Variants in SLC7A2 observed in about 807,000 individuals in gnomAD.
The protein encoded by SLC7A2 is cationic amino acid transporter 2.
Under a neutral mutation model 58.9 loss-of-function variants are expected in SLC7A2, and 48 were observed. That is an observed-to-expected ratio of 0.82 (90% CI 0.65 to 1.04). The LOEUF (loss-of-function observed/expected upper bound fraction) is 1.04, where lower values mean the gene tolerates loss of function less well. Ranked by LOEUF, SLC7A2 falls within the 50% of genes least tolerant of loss-of-function variation. The pLI is 0.00. For missense variants in SLC7A2, 1,029 were observed against 818.8 expected, an observed-to-expected ratio of 1.26 and a Z score of -3.13; for synonymous variants, 363 against 314.5, an observed-to-expected ratio of 1.15 and a Z score of -1.63.
intron 2 of SLC7A2, among the ~76,000 whole-genome samples, chr8:17,506,697 T>G (rs903252490): frequency 6.6e-6 from 1 of 152,196 alleles, no homozygotes; most frequent in Non-Finnish European, 1.5e-5. Context: ...TATTGAAAAG[T>G]CAGACCATTC....
At chr8:17,518,232 C>G (rs1318645181) in intron 2 of SLC7A2, among the ~76,000 whole-genome samples, 1 of 141,646 alleles carries the variant, frequency 7.1e-6, no homozygotes, top group African/African-American at 2.7e-5. Flanking sequence ...TTTTTTTTTG[C>G]ACAACATCCA....
intron 4 of SLC7A2, 27 bp downstream of exon 4, chr8:17,544,633 C>A (rs768263960): frequency 6.2e-7 from 1 of 1,601,690 alleles, no homozygotes; most frequent in Non-Finnish European, 8.5e-7. Context: ...TGAGTCTCTG[C>A]AGAATGAGCC....
rs547028156 is a variant in SLC7A2 at position 17,498,804 on chromosome 8, A to C, written c.-69+1567A>C. 5.9e-5 allele frequency: 9 copies of C among 152,320 alleles called. No individual in the cohort carries two copies. The South Asian group carries it at 1.7e-3, about 28-fold the overall frequency. 9.4% of individuals were successfully genotyped at this position (152,320 alleles called of 1,614,324 possible). On this transcript the variant is annotated intron_variant, in intron 1 of 12. Transcript: ENST00000494857. Reference sequence around the variant, plus strand: ...CTAAGCAGTGGGCATAGCTCTTTTCATTCCAGAATCTCTGATCATTCCAGA... The same window carrying C: ...CTAAGCAGTGGGCATAGCTCTTTTCCTTCCAGAATCTCTGATCATTCCAGA...
intron 12 of SLC7A2, among the ~76,000 whole-genome samples, chr8:17,564,685 G>T (rs541037936): frequency 3.9e-5 from 6 of 152,142 alleles, no homozygotes; most frequent in African/African-American, 1.4e-4. Flanking sequence ...TCTGACAGGA[G>T]GCAGAGCTCA....
chr8:17,500,860 A>G (rs1165858210), intron 1 of SLC7A2, among the ~76,000 whole-genome samples: 1 of 151,788 alleles, frequency 6.6e-6, no homozygotes, highest in East Asian at 1.9e-4. Context: ...CCAGCCAAGT[A>G]GGAGTTCATT....
At chr8:17,509,517 G>A (rs550520196) in intron 2 of SLC7A2, among the ~76,000 whole-genome samples, 2 of 152,034 alleles carry the variant, frequency 1.3e-5, no homozygotes, top group African/African-American at 2.4e-5. Flanking sequence ...TGATGGCTAG[G>A]CTGGTCCCGA....
intron 2 of SLC7A2, among the ~76,000 whole-genome samples, chr8:17,514,516 T>C (rs1268696074): frequency 2.6e-5 from 4 of 152,186 alleles, no homozygotes; most frequent in Non-Finnish European, 5.9e-5. Context: ...CAGCCGTTGG[T>C]GGAGGTTGAC....
intron 2 of SLC7A2, among the ~76,000 whole-genome samples, chr8:17,524,878 T>G (rs1801162586): frequency 6.6e-6 from 1 of 152,098 alleles, no homozygotes; most frequent in African/African-American, 2.4e-5. Flanking sequence ...TTAGCATACT[T>G]GATGAATTTC....
chr8:17,530,438 C>G (rs1243169242), intron 2 of SLC7A2, among the ~76,000 whole-genome samples: 1 of 152,116 alleles, frequency 6.6e-6, no homozygotes, highest in African/African-American at 2.4e-5. Flanking sequence ...GGCTACAGTA[C>G]TCGTTGGAGA....
intron 2 of SLC7A2, among the ~76,000 whole-genome samples, chr8:17,528,386 G>A (rs1801305133): frequency 6.6e-6 from 1 of 151,848 alleles, no homozygotes; most frequent in Non-Finnish European, 1.5e-5. Context: ...CGCTTTTTTT[G>A]TTTATTTGTT....
intron 2 of SLC7A2, among the ~76,000 whole-genome samples, chr8:17,513,361 C>CAAAATTTTTA (rs1224958039): frequency 6.9e-4 from 105 of 152,146 alleles, no homozygotes; most frequent in African/African-American, 2.2e-3. Context: ...CTAAGGGATA[C>CAAAATTTTTA]TGAAGTCTGA....
intron 6 of SLC7A2, 91 bp downstream of exon 6, chr8:17,550,525 G>A: frequency 7.8e-7 from 1 of 1,278,962 alleles, no homozygotes; most frequent in South Asian, 1.5e-5. Context: ...AGGAAAGAGA[G>A]AGGGATTTCG....
chr8:17,508,148 A>G (rs1341770063), intron 2 of SLC7A2, among the ~76,000 whole-genome samples: 1 of 152,082 alleles, frequency 6.6e-6, no homozygotes, highest in African/African-American at 2.4e-5. Flanking sequence ...CATAGATAAC[A>G]GATGGTTTGC....
At chr8:17,523,971 A>G (rs1486413767) in intron 2 of SLC7A2, among the ~76,000 whole-genome samples, 1 of 152,226 alleles carries the variant, frequency 6.6e-6, no homozygotes, top group Non-Finnish European at 1.5e-5. Context: ...TCAAAAGAAG[A>G]TAAAATAATG....
rs1328001954 is a variant in SLC7A2 at position 17,560,336 on chromosome 8, C to G, written c.1307C>G (p.Pro436Arg). 6 of 1,613,270 alleles carry G rather than the reference C, an allele frequency of 3.7e-6. No individual in the cohort carries two copies. In the East Asian group the frequency reaches 1.3e-4, roughly 36 times the overall value. ...AACVLILRYQ[P>R]GLSYDQPKCS... ...TGTTTGTTTGGAAATAGGTACCAGC[C>G]TGGCTTATCTTACGACCAGCCCAAA... Residue 436 changes from proline to arginine, a missense_variant, in exon 10 of 13, where the codon CCT becomes CGT. Transcript: ENST00000494857.
At chr8:17,548,503 A>G (rs1378414669) in intron 4 of SLC7A2, among the ~76,000 whole-genome samples, 175 bp from the exon 5 acceptor site, 1 of 152,228 alleles carries the variant, frequency 6.6e-6, no homozygotes, top group Non-Finnish European at 1.5e-5. Context: ...TGCATTCAGA[A>G]GACATTTCAG....
At chr8:17,540,088 C>G (rs1437164011) in intron 2 of SLC7A2, among the ~76,000 whole-genome samples, 2 of 152,100 alleles carry the variant, frequency 1.3e-5, no homozygotes, top group African/African-American at 4.8e-5. Context: ...GCATATTTTA[C>G]AAAAGTACGA....
At chr8:17,498,343 A>C (rs531604301) in intron 1 of SLC7A2, among the ~76,000 whole-genome samples, 2 of 152,200 alleles carry the variant, frequency 1.3e-5, no homozygotes, top group Non-Finnish European at 2.9e-5. Flanking sequence ...TTCTTGCCTG[A>C]GCTAGTCTTT....
At chr8:17,548,600 C>T (rs1046891204) in intron 4 of SLC7A2, 78 bp from the exon 5 acceptor site, 34 of 1,015,904 alleles carry the variant, frequency 3.3e-5, no homozygotes, top group Non-Finnish European at 4.9e-5. Context: ...AAATAATATC[C>T]TAAAGTCATG....
Sources: gnomAD v4.1 joint callset for allele counts (sites outside exome capture counted in the v4.1 genomes callset) on GRCh38, gnomAD v4.1.1 for gene constraint, MANE v1.5 for transcripts, NCBI Gene and HGNC (gene_info 2026-07-23, HGNC 2026-07-21) for gene names.